The following ABI3BP variants were observed in gnomAD, a reference collection of about 807,000 sequenced individuals.
ABI3BP encodes the protein target of Nesh-SH3.
A neutral mutation model predicts 268.6 loss-of-function variants in ABI3BP; 216 were observed. The observed-to-expected ratio is 0.80, with a 90% CI of 0.72 to 0.90. The LOEUF is 0.90. Among genes scored for constraint, ABI3BP ranks in the 40% least tolerant of loss-of-function variants. ABI3BP has a pLI of 0.00. For synonymous variants in ABI3BP, 730 were observed against 730.0 expected (o/e 1.00, Z 0.00); for missense variants, 2,090 against 2,182.4 (o/e 0.96, Z 0.84).
At chr3:100,887,960 T>C (rs1425692106) in intron 4 of ABI3BP, among the ~76,000 whole-genome samples, 1 of 152,046 alleles carries the variant, frequency 6.6e-6, no homozygotes, top group Non-Finnish European at 1.5e-5. Context: ...TTAAACCAAA[T>C]TTGGGCTCTT....
intron 1 of ABI3BP, among the ~76,000 whole-genome samples, chr3:100,950,396 T>C (rs968568311): frequency 4.6e-5 from 7 of 152,324 alleles, no homozygotes; most frequent in Admixed American, 2.0e-4. Flanking sequence ...TATTACTCAA[T>C]GCACTCAACA....
intron 3 of ABI3BP, among the ~76,000 whole-genome samples, chr3:100,900,888 A>C (rs2049991318): frequency 6.6e-6 from 1 of 152,242 alleles, no homozygotes; most frequent in South Asian, 2.1e-4. Flanking sequence ...TCCTCAAAAT[A>C]AAATGAAGTT....
At chr3:100,911,964 GA>G in intron 2 of ABI3BP, 1 of 914,020 alleles carries the variant, frequency 1.1e-6, no homozygotes, top group Non-Finnish European at 1.8e-6. Context: ...TTCACTTGAG[GA>G]ATTATAAAAG....
At position 100,750,542 on chromosome 3, in the gene ABI3BP, A is replaced by G; in HGVS notation, c.5314T>C (p.Tyr1772His). 6.2e-7 allele frequency: 1 copy of G among 1,613,364 alleles called. No individual in the cohort carries two copies. The highest frequency in any genetic ancestry group is 8.5e-7 in the Non-Finnish European group (1 of 1,179,478). ...GTCCCACATTCATACCACTGAACAT[A>G]ATTGATTTGGGTGTGACCACCTATT... The part of the protein sequence containing the change: ...GEIGGHTQIN[Y>H]VQWYECGTTI... The change falls in exon 68 of 68, where the codon TAT becomes CAT. Residue 1772 changes from tyrosine (Y) to histidine (H), a missense_variant. Transcript: ENST00000471714.
chr3:100,876,700 C>T (rs777185018), intron 6 of ABI3BP, 140 bp from the exon 7 acceptor site: 51 of 700,136 alleles, frequency 7.3e-5, no homozygotes, highest in Admixed American at 4.5e-4. Flanking sequence ...TTGCTGGTGG[C>T]GGGGCGTGGT....
At chr3:100,909,417 T>C (rs761522702) in intron 2 of ABI3BP, among the ~76,000 whole-genome samples, 1 of 148,250 alleles carries the variant, frequency 6.7e-6, no homozygotes, top group Non-Finnish European at 1.5e-5. Flanking sequence ...TCAAATGGGA[T>C]CTGATTAAAC....
chr3:100,868,233 G>A (rs976424388), intron 9 of ABI3BP, among the ~76,000 whole-genome samples: 6 of 152,042 alleles, frequency 3.9e-5, no homozygotes, highest in African/African-American at 1.4e-4. Flanking sequence ...TTATTTTTTT[G>A]TATGGGTGGC....
intron 1 of ABI3BP, among the ~76,000 whole-genome samples, chr3:100,981,379 A>G (rs1183606743): frequency 1.3e-5 from 2 of 152,168 alleles, no homozygotes; most frequent in Admixed American, 1.3e-4. Context: ...AGCCAGGAGA[A>G]TGCTCTGAAG....
In ABI3BP at chr3:100,749,408, A is replaced by C; in HGVS notation, c.*1087T>G. 2.6e-6 allele frequency: 1 copy of C among 379,324 alleles called. No homozygotes were observed. The highest frequency in any genetic ancestry group is 4.7e-6 in the Non-Finnish European group (1 of 213,828). The allele number at this position is 379,324 out of a possible 1,614,324, so 23.5% of individuals were successfully genotyped here. ...AAATACAAAATGTAGCGTTGATAAGATTGAAGCATGTTGAAAGGTAAGTAC... is the reference window on the plus strand; with the variant it reads ...AAATACAAAATGTAGCGTTGATAAGCTTGAAGCATGTTGAAAGGTAAGTAC... On this transcript the variant is annotated 3_prime_UTR_variant, in exon 68 of 68. Transcript: ENST00000471714.
At chr3:100,853,430 T>C (rs1503843) in intron 14 of ABI3BP, among the ~76,000 whole-genome samples, 61,860 of 152,104 alleles carry the variant, frequency 0.41, 14,145 homozygotes, top group African/African-American at 0.63. Flanking sequence ...GGATCTGGCA[T>C]GGTCAGCTCT....
chr3:100,835,399 T>C (rs551921675), intron 28 of ABI3BP, among the ~76,000 whole-genome samples: 1 of 152,316 alleles, frequency 6.6e-6, no homozygotes, highest in Non-Finnish European at 1.5e-5. Context: ...ACACAGATGC[T>C]GTTCACTAGT....
chr3:100,794,269 T>C (rs1369671925), intron 54 of ABI3BP, among the ~76,000 whole-genome samples: 16 of 151,992 alleles, frequency 1.1e-4, no homozygotes, highest in Admixed American at 1.1e-3. Context: ...TAGATTCTAA[T>C]CCTGGCTCTG....
intron 1 of ABI3BP, among the ~76,000 whole-genome samples, chr3:100,942,750 C>A (rs865962675): frequency 2.0e-5 from 3 of 152,058 alleles, no homozygotes; most frequent in African/African-American, 7.2e-5. Context: ...CATCCCAGAC[C>A]TATTGAATTA....
rs115923382 is a variant in ABI3BP at position 100,892,757 on chromosome 3, G to A, written c.461+6005C>T. ...TCCCTACATGACTTGCATGCACAAA[G>A]TTTGAGAAGCACTGTTGTGCATAGA... On this transcript the variant is annotated intron_variant, in intron 4 of 67. Transcript: ENST00000471714. Among the ~76,000 whole-genome samples, 974 of 152,318 alleles carry A rather than the reference G, an allele frequency of 6.4e-3. 2 individuals are homozygous for A. The highest frequency in any genetic ancestry group is 0.011 in the Non-Finnish European group (718 of 68,034).
intron 51 of ABI3BP, among the ~76,000 whole-genome samples, chr3:100,800,293 T>C (rs2097494181): frequency 1.3e-5 from 2 of 151,914 alleles, no homozygotes; most frequent in Non-Finnish European, 2.9e-5. Context: ...ATTATATCAC[T>C]CCCATGATTA....
chr3:100,886,157 T>C lies in ABI3BP; in HGVS notation c.628A>G (p.Lys210Glu). 1 of 1,597,830 alleles carries C rather than the reference T, an allele frequency of 6.3e-7. No homozygotes were observed. Among genetic ancestry groups the C allele is most frequent in the Non-Finnish European group, 8.5e-7 (1 of 1,172,958 alleles). The stretch of plus-strand genomic sequence containing the variant: ...AGGTACTTACTTCCAACAACAGTCT[T>C]GTGATTGAAAATCTTACTCCAAATT... The part of the protein sequence containing the change: ...GGIWSKIFNH[K>E]TVVGSKKVNG... Residue 210 changes from lysine to glutamate, a missense_variant, in exon 5 of 68, where the codon AAG becomes GAG. Lys to Glu is a moderately conservative substitution (Grantham distance 56, BLOSUM62 1). Coordinates refer to ENST00000471714, the MANE Select transcript of ABI3BP (RefSeq NM_001375547.2).
At chr3:100,792,872 A>G (rs1236908874) in intron 54 of ABI3BP, 104 bp from the exon 55 acceptor site, 8 of 932,934 alleles carry the variant, frequency 8.6e-6, no homozygotes, top group Non-Finnish European at 1.3e-5. Context: ...TAAAAGGATA[A>G]GTTGCATTTA....
At chr3:100,880,747 C>A (rs533021026) in intron 6 of ABI3BP, among the ~76,000 whole-genome samples, 1 of 152,152 alleles carries the variant, frequency 6.6e-6, no homozygotes, top group Non-Finnish European at 1.5e-5. Context: ...AAGGAACTTG[C>A]GTCTCACCCT....
At chr3:100,930,304 T>C (rs1193498590) in intron 1 of ABI3BP, among the ~76,000 whole-genome samples, 1 of 151,384 alleles carries the variant, frequency 6.6e-6, no homozygotes, top group Non-Finnish European at 1.5e-5. Context: ...TCAACAGGAG[T>C]GAGAAAAAAT....
Sources: allele counts gnomAD v4.1 joint callset (sites outside exome capture counted in the v4.1 genomes callset), GRCh38; gene constraint gnomAD v4.1.1; transcripts MANE v1.5; gene names NCBI Gene and HGNC (gene_info 2026-07-23, HGNC 2026-07-21).